Variants in TIPARP observed in about 807,000 individuals in gnomAD.
TIPARP encodes protein mono-ADP-ribosyltransferase TIPARP.
A neutral mutation model predicts 56.5 loss-of-function variants in TIPARP; 12 were observed. That is an observed-to-expected ratio of 0.21 (90% CI 0.14 to 0.34). The LOEUF is 0.34. Among genes scored for constraint, TIPARP ranks in the 10% least tolerant of loss-of-function variants. The pLI is 1.00. For missense variants in TIPARP, 604 were observed against 781.6 expected (o/e 0.77, Z 2.71); for synonymous variants, 296 against 265.7 (o/e 1.11, Z -1.11).
intron 4 of TIPARP, among the ~76,000 whole-genome samples, chr3:156,696,551 ATACT>A (rs1166091317): frequency 2.0e-5 from 3 of 152,222 alleles, no homozygotes; most frequent in African/African-American, 7.2e-5. Context: ...ATTACTTGTC[ATACT>A]TACTAAGAAT....
rs1453165523 is a variant in TIPARP, at chr3:156,677,686, C to A, written c.-12C>A. 6.4e-6 allele frequency: 10 copies of A among 1,560,020 alleles called. No homozygotes were observed. Among genetic ancestry groups the A allele is most frequent in the Admixed American group, 2.0e-5 (1 of 49,328 alleles). The stretch of plus-strand genomic sequence containing the variant: ...TTTAGACTCTGAGGAGCAGTTGGAG[C>A]TAATCCACATTATGGAAATGGAAAC... On this transcript the variant is annotated 5_prime_UTR_variant, in exon 2 of 6. Coordinates refer to ENST00000295924, the MANE Select transcript of TIPARP (RefSeq NM_015508.5).
chr3:156,684,868 G>A (rs944801496), intron 2 of TIPARP, among the ~76,000 whole-genome samples: 2 of 152,126 alleles, frequency 1.3e-5, no homozygotes, highest in Non-Finnish European at 2.9e-5. Flanking sequence ...TCCTTCAAAC[G>A]TTAAACCTAA....
At chr3:156,689,080 G>A (rs1366850706) in intron 2 of TIPARP, among the ~76,000 whole-genome samples, 1 of 152,174 alleles carries the variant, frequency 6.6e-6, no homozygotes, top group Non-Finnish European at 1.5e-5. Context: ...AGGTTCTGAA[G>A]TCTAACCGAT....
Position 156,688,353 on chromosome 3 carries a change from G to T in TIPARP, c.918-5667G>T, listed in dbSNP as rs374473550. Among the ~76,000 whole-genome samples, 20 of 131,122 alleles carry T rather than the reference G, an allele frequency of 1.5e-4. No individual in the cohort carries two copies. The East Asian group carries it at 2.1e-3, about 14-fold the overall frequency. The allele number at this position is 131,122 out of a possible 152,430, so 86.0% of individuals were successfully genotyped here. A position where few individuals can be genotyped will look rare whatever the true frequency, so the allele number is the denominator to read the frequency against. On this transcript the variant is annotated intron_variant, in intron 2 of 5. Coordinates refer to ENST00000295924, the MANE Select transcript of TIPARP (RefSeq NM_015508.5). ...TTGGCACTATTGTACTCCAGCCTGG[G>T]TGACAGAAGACCCTATCTCAAAAAA...
At chr3:156,698,508 T>C (rs928471365) in intron 4 of TIPARP, among the ~76,000 whole-genome samples, 2 of 152,204 alleles carry the variant, frequency 1.3e-5, no homozygotes, top group African/African-American at 4.8e-5. Context: ...CTACTCTGCC[T>C]GTGCTCTATA....
chr3:156,677,389 ACT>A (rs1301705516), intron 1 of TIPARP, among the ~76,000 whole-genome samples: 1 of 151,986 alleles, frequency 6.6e-6, no homozygotes, highest in Non-Finnish European at 1.5e-5. Flanking sequence ...AGAATTGCAA[ACT>A]CTTATGTATT....
chr3:156,705,281 T>TA lies in TIPARP; in HGVS notation c.*150_*151insA. 7.3e-6 allele frequency: 4 copies of TA among 545,842 alleles called. No individual in the cohort carries two copies. Among genetic ancestry groups the TA allele is most frequent in the African/African-American group, 1.9e-5 (1 of 52,816 alleles). The allele number at this position is 545,842 out of a possible 1,614,324, so 33.8% of individuals were successfully genotyped here. On this transcript the variant is annotated 3_prime_UTR_variant, in exon 6 of 6. Coordinates refer to ENST00000295924, the MANE Select transcript of TIPARP (RefSeq NM_015508.5). ...TTTAAAGTGCTAGAAAATGCTTTTT[T>TA]TAAAAAAAAAATACAAGTTTTAAAA...
intron 2 of TIPARP, among the ~76,000 whole-genome samples, chr3:156,689,731 GGTGTGCCTCTTGCACACTATTCTT>G: frequency 6.6e-6 from 1 of 152,220 alleles, no homozygotes; most frequent in Non-Finnish European, 1.5e-5. Flanking sequence ...ACATGAACTG[GGTGTGCCTCTTGCACACTATTCTT>G]GTGTGCCTTG....
In TIPARP at chr3:156,682,924, C is replaced by T. The variant is rs191518423; in HGVS notation, c.917+4310C>T. 2.0e-5 allele frequency among the ~76,000 whole-genome samples: 3 copies of T among 152,292 alleles called. No homozygotes were observed. The East Asian group carries it at 5.8e-4, about 29-fold the overall frequency. On this transcript the variant is annotated intron_variant, in intron 2 of 5. Coordinates refer to ENST00000295924, the MANE Select transcript of TIPARP (RefSeq NM_015508.5). ...ATCCAATGAATTATTTTTTGTACTT[C>T]TTTATGCTACTATTTACATATGAAA...
chr3:156,679,297 T>G (rs764121030), intron 2 of TIPARP, among the ~76,000 whole-genome samples: 1 of 152,188 alleles, frequency 6.6e-6, no homozygotes, highest in Non-Finnish European at 1.5e-5. Flanking sequence ...ATCCTTGAGT[T>G]TTGGTACACA....
At chr3:156,697,251 G>C (rs1378649424) in intron 4 of TIPARP, among the ~76,000 whole-genome samples, 1 of 152,118 alleles carries the variant, frequency 6.6e-6, no homozygotes, top group African/African-American at 2.4e-5. Context: ...CTCCTGGTGA[G>C]ATAGTAGAAC....
intron 2 of TIPARP, among the ~76,000 whole-genome samples, chr3:156,680,213 G>A (rs761997448): frequency 6.6e-6 from 1 of 152,032 alleles, no homozygotes; most frequent in Non-Finnish European, 1.5e-5. Flanking sequence ...GACTATAAAT[G>A]TATTATCTTG....
At chr3:156,690,519 T>A (rs1722543769) in intron 2 of TIPARP, among the ~76,000 whole-genome samples, 1 of 152,168 alleles carries the variant, frequency 6.6e-6, no homozygotes, top group Non-Finnish European at 1.5e-5. Context: ...CTTTTCAGCA[T>A]TTTAAATTAG....
chr3:156,687,142 G>T (rs1013373574), intron 2 of TIPARP, among the ~76,000 whole-genome samples: 19 of 152,158 alleles, frequency 1.2e-4, no homozygotes, highest in African/African-American at 4.6e-4. Flanking sequence ...TATCCCAGCT[G>T]TTCTTACAGA....
chr3:156,700,318 A>G (rs1722817836), intron 4 of TIPARP, among the ~76,000 whole-genome samples: 2 of 151,650 alleles, frequency 1.3e-5, no homozygotes, highest in African/African-American at 2.4e-5. Context: ...AGGTCTCACT[A>G]TGTTGCTGGG....
intron 4 of TIPARP, among the ~76,000 whole-genome samples, chr3:156,698,459 T>TGC (rs1722772049): frequency 6.6e-6 from 1 of 152,190 alleles, no homozygotes. Flanking sequence ...ACTGGTGACT[T>TGC]TAAGTTGAAG....
At chr3:156,703,249 G>A (rs1403457763) in intron 4 of TIPARP, among the ~76,000 whole-genome samples, 175 bp from the exon 5 acceptor site, 1 of 152,094 alleles carries the variant, frequency 6.6e-6, no homozygotes, top group African/African-American at 2.4e-5. Flanking sequence ...ATGTACAGGC[G>A]ATGTTTGCTC....
At chr3:156,689,915 C>T (rs1466739500) in intron 2 of TIPARP, among the ~76,000 whole-genome samples, 1 of 152,188 alleles carries the variant, frequency 6.6e-6, no homozygotes, top group African/African-American at 2.4e-5. Flanking sequence ...AGAGGTAAGC[C>T]ATCTGCTTCT....
chr3:156,690,711 G>T (rs1168352748), intron 2 of TIPARP, among the ~76,000 whole-genome samples: 2 of 152,044 alleles, frequency 1.3e-5, no homozygotes, highest in East Asian at 1.9e-4. Flanking sequence ...CAATACTGAT[G>T]GATTTAGCCA....
Sources: gnomAD v4.1 joint callset for allele counts (sites outside exome capture counted in the v4.1 genomes callset) on GRCh38, gnomAD v4.1.1 for gene constraint, MANE v1.5 for transcripts, NCBI Gene and HGNC (gene_info 2026-07-23, HGNC 2026-07-21) for gene names.